Variants in ABTB2 observed in about 807,000 individuals in gnomAD.
ABTB2 encodes ankyrin repeat and BTB/POZ domain-containing protein 2.
ABTB2 carries 56 observed loss-of-function variants against 104.1 expected under a neutral mutation model. The observed-to-expected ratio is 0.54, with a 90% CI of 0.43 to 0.67. The LOEUF is 0.67. Among genes scored for constraint, ABTB2 ranks in the 30% least tolerant of loss-of-function variants. The pLI is 0.00. For missense variants in ABTB2, 1,279 were observed against 1,407.7 expected (o/e 0.91, Z 1.46); for synonymous variants, 606 against 608.2 (o/e 1.00, Z 0.05).
chr11:34,286,016 A>G (rs1854500387), intron 1 of ABTB2, among the ~76,000 whole-genome samples: 2 of 152,116 alleles, frequency 1.3e-5, no homozygotes, highest in Admixed American at 6.5e-5. Context: ...AGAGATTTAC[A>G]TTGCACATTT....
At chr11:34,340,219 C>T (rs1855246406) in intron 1 of ABTB2, among the ~76,000 whole-genome samples, 1 of 152,162 alleles carries the variant, frequency 6.6e-6, no homozygotes, top group South Asian at 2.1e-4. Flanking sequence ...ACAGATAAGA[C>T]ATTCTCAAGG....
chr11:34,161,792 G>A (rs141825540), intron 10 of ABTB2, among the ~76,000 whole-genome samples: 28 of 152,334 alleles, frequency 1.8e-4, no homozygotes, highest in African/African-American at 6.5e-4. Flanking sequence ...GTGGATCAAA[G>A]AACTGACGGC....
intron 1 of ABTB2, among the ~76,000 whole-genome samples, chr11:34,320,671 G>A (rs915670509): frequency 1.3e-4 from 20 of 152,172 alleles, no homozygotes; most frequent in African/African-American, 4.8e-4. Context: ...AGGCATATGG[G>A]TGTCGTGTGT....
intron 1 of ABTB2, among the ~76,000 whole-genome samples, chr11:34,329,252 G>T (rs920746205): frequency 1.3e-5 from 2 of 152,142 alleles, no homozygotes; most frequent in Non-Finnish European, 2.9e-5. Context: ...CTCATTAATG[G>T]TCTGTTGAAA....
At chr11:34,265,551 T>G (rs952631444) in intron 1 of ABTB2, among the ~76,000 whole-genome samples, 1 of 151,144 alleles carries the variant, frequency 6.6e-6, no homozygotes, top group African/African-American at 2.4e-5. Context: ...TCCCAGCTAC[T>G]TGGGAGGCTG....
intron 1 of ABTB2, among the ~76,000 whole-genome samples, chr11:34,259,119 C>T (rs1356970391): frequency 3.9e-5 from 6 of 152,168 alleles, no homozygotes; most frequent in African/African-American, 1.4e-4. Flanking sequence ...GTTACTGTTG[C>T]AATTGTTCTT....
At chr11:34,247,552 T>C (rs1299715568) in intron 1 of ABTB2, among the ~76,000 whole-genome samples, 2 of 152,236 alleles carry the variant, frequency 1.3e-5, no homozygotes, top group Non-Finnish European at 2.9e-5. Flanking sequence ...TTCAGTAGGT[T>C]AGGTGTATTA....
rs536609376 is a variant in ABTB2 at position 34,174,605 on chromosome 11, G to C, written c.1245-1298C>G. Among the ~76,000 whole-genome samples, 6 of 152,334 alleles carry C rather than the reference G, an allele frequency of 3.9e-5. No homozygotes were observed. In the South Asian group the frequency reaches 1.2e-3, roughly 32 times the overall value. On this transcript the variant is annotated intron_variant, in intron 3 of 16. Transcript: ENST00000435224. ...GCGGCTCAGATTCAGCTGGGGGGCG[G>C]GGACGCGTTTCTGTCCTCTGCCAGC...
At chr11:34,276,840 C>T (rs1411994136) in intron 1 of ABTB2, among the ~76,000 whole-genome samples, 2 of 152,210 alleles carry the variant, frequency 1.3e-5, no homozygotes, top group Non-Finnish European at 1.5e-5. Flanking sequence ...AGAATGCGAA[C>T]CTGCAGGTCC....
chr11:34,173,086 A>C, intron 4 of ABTB2, 69 bp downstream of exon 4: 2 of 1,596,062 alleles, frequency 1.3e-6, no homozygotes, highest in Non-Finnish European at 1.7e-6. Context: ...CTGGGGAAGA[A>C]GCGAGCAGAG....
intron 1 of ABTB2, among the ~76,000 whole-genome samples, chr11:34,258,812 G>T (rs990357511): frequency 1.3e-5 from 2 of 151,870 alleles, no homozygotes; most frequent in African/African-American, 2.4e-5. Flanking sequence ...TGTTGGCCAG[G>T]CTGGTCTCAA....
chr11:34,204,271 T>G (rs1338905599), intron 2 of ABTB2, among the ~76,000 whole-genome samples: 1 of 152,202 alleles, frequency 6.6e-6, no homozygotes, highest in Non-Finnish European at 1.5e-5. Flanking sequence ...CCACCCACTT[T>G]GCTGCTACTT....
chr11:34,325,171 A>G (rs942059896), intron 1 of ABTB2, among the ~76,000 whole-genome samples: 13 of 152,184 alleles, frequency 8.5e-5, no homozygotes, highest in African/African-American at 3.1e-4. Flanking sequence ...ATAATCCCTG[A>G]CACAAAGAAG....
intron 5 of ABTB2, among the ~76,000 whole-genome samples, chr11:34,169,448 T>C (rs534453274): frequency 1.4e-4 from 22 of 152,278 alleles, no homozygotes; most frequent in African/African-American, 4.8e-4. Flanking sequence ...TGTCAGGTGC[T>C]ACCATCCCCC....
intron 1 of ABTB2, among the ~76,000 whole-genome samples, chr11:34,227,527 G>C (rs1011453720): frequency 6.6e-6 from 1 of 151,996 alleles, no homozygotes; most frequent in African/African-American, 2.4e-5. Context: ...ACTTTTTGTG[G>C]GCGAATGATA....
At chr11:34,254,204 A>T (rs1854091602) in intron 1 of ABTB2, among the ~76,000 whole-genome samples, 1 of 152,026 alleles carries the variant, frequency 6.6e-6, no homozygotes, top group South Asian at 2.1e-4. Context: ...ATGACTGTAA[A>T]CTCATAAACT....
Position 34,167,334 on chromosome 11 carries a change from A to G in ABTB2, c.1680T>C (p.Pro560=). 6.2e-7 allele frequency: 1 copy of G among 1,613,414 alleles called. No homozygotes were observed. Among genetic ancestry groups the G allele is most frequent in the Non-Finnish European group, 8.5e-7 (1 of 1,179,682 alleles). Residue 560 remains proline, a synonymous_variant, in exon 7 of 17, where the codon CCT becomes CCC. Coordinates refer to ENST00000435224, the MANE Select transcript of ABTB2 (RefSeq NM_145804.3). The part of the protein sequence containing the change: ...IQVPSNSPRH[P]SIHPDSRHWT... ...AGTGCCGGCTGTCGGGGTGGATGGA[A>G]GGGTGCCTGGGGGAGTTGCTTGGAA... is the stretch of plus-strand genomic sequence containing the variant.
chr11:34,246,405 C>T (rs545872522), intron 1 of ABTB2, among the ~76,000 whole-genome samples: 4 of 152,096 alleles, frequency 2.6e-5, no homozygotes, highest in African/African-American at 9.6e-5. Flanking sequence ...AGTTCGAGAC[C>T]AGCCTGACCA....
At chr11:34,328,960 A>G (rs952814180) in intron 1 of ABTB2, among the ~76,000 whole-genome samples, 1 of 152,238 alleles carries the variant, frequency 6.6e-6, no homozygotes, top group Non-Finnish European at 1.5e-5. Context: ...TAAAACTTCA[A>G]GTATGTCAAG....
Sources: gnomAD v4.1 joint callset for allele counts (sites outside exome capture counted in the v4.1 genomes callset) on GRCh38, gnomAD v4.1.1 for gene constraint, MANE v1.5 for transcripts, NCBI Gene and HGNC (gene_info 2026-07-23, HGNC 2026-07-21) for gene names.